The following CSMD1 variants were observed in gnomAD, a reference collection of about 807,000 sequenced individuals.
CSMD1 encodes CUB and Sushi multiple domains 1, also known as CUB and sushi domain-containing protein 1.
CSMD1 carries 213 observed loss-of-function variants against 417.5 expected under a neutral mutation model. The ratio of observed to expected loss-of-function variants is 0.51; its 90% confidence interval spans 0.46 to 0.57. The LOEUF is 0.57. Among genes scored for constraint, CSMD1 ranks in the 20% least tolerant of loss-of-function variants. The probability of loss-of-function intolerance (pLI) is 0.00; values close to 1 mark genes in which losing one functional copy is unlikely to be tolerated. For missense variants in CSMD1, 6,923 were observed against 4,529.7 expected (o/e 1.53, Z -15.17); for synonymous variants, 2,862 against 1,736.8 (o/e 1.65, Z -16.11).
intron 1 of CSMD1, among the ~76,000 whole-genome samples, chr8:4,993,026 C>A (rs182402547): frequency 5.1e-4 from 78 of 152,310 alleles, no homozygotes; most frequent in African/African-American, 1.9e-3. Flanking sequence ...CACGTCTCTC[C>A]CCCGCTCTCC....
At chr8:3,786,575 G>C (rs777664105) in intron 5 of CSMD1, among the ~76,000 whole-genome samples, 4 of 152,160 alleles carry the variant, frequency 2.6e-5, no homozygotes, top group African/African-American at 9.7e-5. Context: ...AACGGCCTAG[G>C]ATGGACAGGA....
rs536734372 is a variant in CSMD1, at chr8:3,421,508, C to G, written c.1562-11903G>C. ...AAAACAAAGAATAGAGGAGTTCTCA[C>G]TATGAAAATAACAATTTTGTAGACT... On this transcript the variant is annotated intron_variant, in intron 12 of 69. Coordinates refer to ENST00000635120, the MANE Select transcript of CSMD1 (RefSeq NM_033225.6). 3.3e-5 allele frequency among the ~76,000 whole-genome samples: 5 copies of G among 152,290 alleles called. No homozygotes were observed. In the East Asian group the frequency reaches 5.8e-4, roughly 18 times the overall value.
At chr8:4,185,925 T>G (rs534287449) in intron 3 of CSMD1, among the ~76,000 whole-genome samples, 7 of 152,246 alleles carry the variant, frequency 4.6e-5, no homozygotes, top group South Asian at 4.2e-4. Flanking sequence ...TTGAGTTCAT[T>G]TCCCTGCAAT....
intron 2 of CSMD1, among the ~76,000 whole-genome samples, chr8:4,438,152 A>T (rs1439705133): frequency 6.6e-6 from 1 of 152,140 alleles, no homozygotes; most frequent in Admixed American, 6.5e-5. Context: ...GTGCTTCCTG[A>T]TTTAGATATT....
chr8:3,075,274 TTC>T (rs1813576417), intron 49 of CSMD1, among the ~76,000 whole-genome samples: 1 of 125,336 alleles, frequency 8.0e-6, no homozygotes, highest in Non-Finnish European at 1.7e-5. Context: ...TTTCTTTTCT[TTC>T]TTTCTTTTTT....
intron 5 of CSMD1, among the ~76,000 whole-genome samples, chr8:3,957,215 G>C (rs140151419): frequency 6.6e-6 from 1 of 152,152 alleles, no homozygotes; most frequent in Non-Finnish European, 1.5e-5. Context: ...AAAATGAGAA[G>C]ACAGAAATAT....
intron 6 of CSMD1, among the ~76,000 whole-genome samples, chr8:3,735,602 A>G (rs930941522): frequency 6.6e-6 from 1 of 152,158 alleles, no homozygotes; most frequent in Non-Finnish European, 1.5e-5. Context: ...TTCACTACTC[A>G]TTTAACTCTC....
intron 3 of CSMD1, among the ~76,000 whole-genome samples, chr8:4,121,780 T>G (rs1417045689): frequency 6.6e-6 from 1 of 152,052 alleles, no homozygotes; most frequent in African/African-American, 2.4e-5. Context: ...AAGGTAATAT[T>G]ACAGTACATC....
chr8:4,379,976 A>G (rs1802997787), intron 3 of CSMD1, among the ~76,000 whole-genome samples: 1 of 152,354 alleles, frequency 6.6e-6, no homozygotes, highest in African/African-American at 2.4e-5. Flanking sequence ...TAGAAAACAC[A>G]TGGAATAGCA....
intron 18 of CSMD1, among the ~76,000 whole-genome samples, chr8:3,370,692 A>G (rs1027581936): frequency 1.3e-5 from 2 of 152,174 alleles, no homozygotes; most frequent in African/African-American, 4.8e-5. Flanking sequence ...GGCAGAGAAA[A>G]GGCTGGGCAC....
In CSMD1 at chr8:2,936,304, T is replaced by C. The variant is rs1801460102; in HGVS notation, c.*2281A>G. On this transcript the variant is annotated 3_prime_UTR_variant, in exon 70 of 70. Coordinates refer to ENST00000635120, the MANE Select transcript of CSMD1 (RefSeq NM_033225.6). ...CAGGTCAGGGATATGGGAACAGAGA[T>C]GTTAATTCAGACTCTGAAGTCAGCA... 1 of 151,908 alleles carries C rather than the reference T, an allele frequency of 6.6e-6. No individual in the cohort carries two copies. Among genetic ancestry groups the C allele is most frequent in the African/African-American group, 2.4e-5 (1 of 41,352 alleles). 9.4% of individuals were successfully genotyped at this position (151,908 alleles called of 1,614,324 possible). A position where few individuals can be genotyped will look rare whatever the true frequency, so the allele number is the denominator to read the frequency against.
intron 5 of CSMD1, among the ~76,000 whole-genome samples, chr8:3,835,050 T>C (rs1410130516): frequency 6.6e-6 from 1 of 151,748 alleles, no homozygotes; most frequent in Non-Finnish European, 1.5e-5. Context: ...ATGGCGATCA[T>C]TAAAAAGTCA....
intron 3 of CSMD1, among the ~76,000 whole-genome samples, chr8:4,120,814 C>G (rs1260327209): frequency 6.6e-6 from 1 of 152,150 alleles, no homozygotes; most frequent in African/African-American, 2.4e-5. Flanking sequence ...CATGACATGC[C>G]AGAAATCACA....
intron 1 of CSMD1, among the ~76,000 whole-genome samples, chr8:4,828,024 A>C (rs1327227158): frequency 6.6e-6 from 1 of 152,212 alleles, no homozygotes; most frequent in African/African-American, 2.4e-5. Flanking sequence ...TATATATTTA[A>C]GCCAGCTACA....
At chr8:4,955,453 T>C (rs1418575376) in intron 1 of CSMD1, among the ~76,000 whole-genome samples, 2 of 138,460 alleles carry the variant, frequency 1.4e-5, no homozygotes, top group African/African-American at 6.2e-5. Flanking sequence ...AACTCTCACC[T>C]CTCTTTTTTT....
chr8:4,391,538 A>G (rs975158631), intron 3 of CSMD1, among the ~76,000 whole-genome samples: 3 of 152,052 alleles, frequency 2.0e-5, no homozygotes, highest in Non-Finnish European at 4.4e-5. Flanking sequence ...CACTGCATCA[A>G]CCAGCTCAGA....
At chr8:4,046,286 G>C (rs1366543889) in intron 3 of CSMD1, among the ~76,000 whole-genome samples, 1 of 152,022 alleles carries the variant, frequency 6.6e-6, no homozygotes, top group African/African-American at 2.4e-5. Flanking sequence ...CTGTTTCTCA[G>C]TCTAACTTCA....
intron 1 of CSMD1, among the ~76,000 whole-genome samples, chr8:4,695,412 T>C (rs1488741880): frequency 2.0e-5 from 3 of 152,236 alleles, no homozygotes; most frequent in Non-Finnish European, 4.4e-5. Context: ...TTGAAAATTG[T>C]AATTAGTCGC....
At chr8:4,044,683 T>G (rs1798057177) in intron 3 of CSMD1, among the ~76,000 whole-genome samples, 1 of 117,158 alleles carries the variant, frequency 8.5e-6, no homozygotes, top group Non-Finnish European at 1.9e-5. Context: ...CCTGGCCACC[T>G]ACAATCCTGG....
Sources: allele counts gnomAD v4.1 joint callset (sites outside exome capture counted in the v4.1 genomes callset), GRCh38; gene constraint gnomAD v4.1.1; transcripts MANE v1.5; gene names NCBI Gene and HGNC (gene_info 2026-07-23, HGNC 2026-07-21).